The following POLR3E variants were observed in gnomAD, a reference collection of about 807,000 sequenced individuals.
POLR3E encodes RNA polymerase III subunit E.
POLR3E carries 41 observed loss-of-function variants against 96.6 expected under a neutral mutation model. The ratio of observed to expected loss-of-function variants is 0.42; its 90% confidence interval spans 0.33 to 0.55. POLR3E has a LOEUF of 0.55. Among genes scored for constraint, POLR3E ranks in the 20% least tolerant of loss-of-function variants. The probability of loss-of-function intolerance (pLI) is 0.06; values close to 1 mark genes in which losing one functional copy is unlikely to be tolerated. For missense variants in POLR3E, 849 were observed against 952.1 expected, an observed-to-expected ratio of 0.89 and a Z score of 1.43; for synonymous variants, 396 against 383.6, an observed-to-expected ratio of 1.03 and a Z score of -0.38.
At chr16:22,332,597 T>C (rs1220353506) in intron 20 of POLR3E, among the ~76,000 whole-genome samples, 4 of 152,146 alleles carry the variant, frequency 2.6e-5, no homozygotes, top group African/African-American at 4.8e-5. Context: ...TGGATGAGCT[T>C]GGCAGTGGGT....
chr16:22,323,755 C>T (rs543926699), intron 14 of POLR3E, among the ~76,000 whole-genome samples: 36 of 152,270 alleles, frequency 2.4e-4, no homozygotes, highest in Admixed American at 1.8e-3. Context: ...CCCTGCCCGC[C>T]CCGCTCCAGT....
intron 20 of POLR3E, among the ~76,000 whole-genome samples, chr16:22,332,967 C>CTTTTTTTTTTTTTTTTTT (rs1166614906): frequency 1.4e-5 from 1 of 73,062 alleles, no homozygotes; most frequent in African/African-American, 6.7e-5. Flanking sequence ...CGTAGACCCC[C>CTTTTTTTTTTTTTTTTTT]TTTTTTTTTT....
Position 22,308,165 on chromosome 16 carries a change from C to G in POLR3E, c.105C>G (p.Ala35=). ...CTCCCCAGTACCCTGTGCGTCCAGC[C>G]TCGATGACCTACGATGACATTCCGC... The part of the protein sequence containing the change: ...LYLFQYPVRP[A]SMTYDDIPHL... The change falls in exon 4 of 21, where the codon GCC becomes GCG. Residue 35 remains alanine (A), a synonymous_variant. Coordinates refer to ENST00000299853, the MANE Select transcript of POLR3E (RefSeq NM_018119.4). 6.2e-7 allele frequency: 1 copy of G among 1,613,552 alleles called. No individual in the cohort carries two copies. Among genetic ancestry groups the G allele is most frequent in the Non-Finnish European group, 8.5e-7 (1 of 1,179,582 alleles).
At chr16:22,324,725 C>T (rs990849172) in intron 16 of POLR3E, 65 bp downstream of exon 16, 20 of 1,536,076 alleles carry the variant, frequency 1.3e-5, no homozygotes, top group Admixed American at 3.3e-5. Flanking sequence ...CTGGGGAGCA[C>T]TGTCAGGGTG....
intron 19 of POLR3E, chr16:22,329,040 T>G (rs1320442078): frequency 5.3e-6 from 1 of 189,310 alleles, no homozygotes; most frequent in Non-Finnish European, 1.1e-5. Context: ...GAACCGAGAT[T>G]GCACCACTGC....
Position 22,332,171 on chromosome 16 carries a change from G to A in POLR3E, c.2056G>A (p.Asp686Asn). ...AGAAGATCTCAGTAAACAGGAGGTG[G>A]ATAAAGTACTAAAGGTACATCCATT... ...CGEDLSKQEVDKVLKDCCVSY... is the reference protein window; with the variant it reads ...CGEDLSKQEVNKVLKDCCVSY... Residue 686 changes from aspartate to asparagine, a missense_variant, in exon 20 of 21, where the codon GAT becomes AAT. Transcript: ENST00000299853. 6.2e-7 allele frequency: 1 copy of A among 1,613,404 alleles called. No homozygotes were observed. The highest frequency in any genetic ancestry group is 8.5e-7 in the Non-Finnish European group (1 of 1,179,470).
Position 22,308,931 on chromosome 16 carries a change from C to T in POLR3E, c.172C>T (p.Leu58Phe), listed in dbSNP as rs1567312051. ...GGGTGCTTGGTGCCTCCAGGTAGAGCTTGAGATGGCCATCGACACCCTGAA... is the reference window on the plus strand; with the variant it reads ...GGGTGCTTGGTGCCTCCAGGTAGAGTTTGAGATGGCCATCGACACCCTGAA... Reference protein sequence around the residue: ...KIKPKQQKVELEMAIDTLNPN... With the variant: ...KIKPKQQKVEFEMAIDTLNPN... The change falls in exon 5 of 21, where the codon CTT (leucine) becomes TTT (phenylalanine). Residue 58 changes from leucine (L) to phenylalanine (F), a missense_variant. Physicochemically the swap from Leu to Phe is conservative, Grantham distance 22. Coordinates refer to ENST00000299853, the MANE Select transcript of POLR3E (RefSeq NM_018119.4). 10 of 1,612,152 alleles carry T rather than the reference C, an allele frequency of 6.2e-6. No homozygotes were observed. Among genetic ancestry groups the T allele is most frequent in the Non-Finnish European group, 8.5e-6 (10 of 1,178,340 alleles).
Position 22,322,795 on chromosome 16 carries a change from C to T in POLR3E, c.987-55C>T, listed in dbSNP as rs372999604. 1.5e-3 allele frequency: 1,841 copies of T among 1,258,722 alleles called. 48 individuals are homozygous for T. In the South Asian group the frequency reaches 0.02, roughly 14 times the overall value. 78.0% of individuals were successfully genotyped at this position (1,258,722 alleles called of 1,614,324 possible). ...ACTGGGGCTTGGCCGGGAGGGGTAG[C>T]GGTAGAGGGGGCTCAGGGCAGGGAC... On this transcript the variant is annotated intron_variant, in intron 13 of 20. Coordinates refer to ENST00000299853, the MANE Select transcript of POLR3E (RefSeq NM_018119.4). The surrounding 1 kb of genome is among the most constrained non-coding windows in gnomAD (Gnocchi z 5.2).
Position 22,324,508 on chromosome 16 carries a change from C to T in POLR3E, c.1134C>T (p.Cys378=), listed in dbSNP as rs371691617. The T allele has an allele frequency of 1.7e-5, 27 of 1,611,542 alleles. No homozygotes were observed. Among genetic ancestry groups the T allele is most frequent in the Non-Finnish European group, 2.0e-5 (24 of 1,178,958 alleles). The change falls in exon 16 of 21, where the codon TGC becomes TGT. Residue 378 remains cysteine, a synonymous_variant. Transcript: ENST00000299853. ...RKEVATVTKL[C]AEDVKDFLEH... ...CTGGGCCCCCTCCCCTCCAGCTCTG[C>T]GCCGAGGATGTGAAGGACTTCCTGG... is the stretch of plus-strand genomic sequence containing the variant.
intron 3 of POLR3E, among the ~76,000 whole-genome samples, chr16:22,306,874 G>T (rs746717974): frequency 1.6e-4 from 24 of 152,342 alleles, no homozygotes; most frequent in South Asian, 4.1e-4. Flanking sequence ...GCACAGGGAG[G>T]CCTTCACGGG....
chr16:22,313,003 G>A lies in POLR3E; in HGVS notation c.365-617G>A, dbSNP rs189913198. On this transcript the variant is annotated intron_variant, in intron 6 of 20. Coordinates refer to ENST00000299853, the MANE Select transcript of POLR3E (RefSeq NM_018119.4). This position sits in a 1 kb window ranked among gnomAD's most constrained non-coding sequence, Gnocchi z 4.1. ...TCAAAAGTAGTGTCATATAACTCGC[G>A]CGTTCTGTTTAGAACCCATGTCTCA... Among the ~76,000 whole-genome samples, 79 of 151,646 alleles carry A rather than the reference G, an allele frequency of 5.2e-4. No individual in the cohort carries two copies. The highest frequency in any genetic ancestry group is 1.9e-3 in the African/African-American group (78 of 41,250).
rs769152741 is a variant in POLR3E, at chr16:22,325,933, G to A, written c.1521G>A (p.Glu507=). ...IKEEPVSEEG[E]EDEEQEAEEE... is the part of the protein sequence containing the mutation. ...AGGAGCCCGTGAGCGAGGAGGGCGAGGAGGACGAGGAGCAGGAGGCGGAGG... is the reference window on the plus strand; with the variant it reads ...AGGAGCCCGTGAGCGAGGAGGGCGAAGAGGACGAGGAGCAGGAGGCGGAGG... The change falls in exon 18 of 21, where the codon GAG becomes GAA. Residue 507 remains glutamate, a synonymous_variant. Coordinates refer to ENST00000299853, the MANE Select transcript of POLR3E (RefSeq NM_018119.4). 1 of 1,595,106 alleles carries A rather than the reference G, an allele frequency of 6.3e-7. No homozygotes were observed. Among genetic ancestry groups the A allele is most frequent in the Admixed American group, 1.8e-5 (1 of 56,054 alleles).
chr16:22,325,236 A>G lies in POLR3E; in HGVS notation c.1318A>G (p.Thr440Ala), dbSNP rs755567582. The stretch of plus-strand genomic sequence containing the variant: ...AAAAGTCTATAATCTTGTAAAGGAA[A>G]CCATGCCAAAGAAGCCGGATGCACA... ...LEKVYNLVKE[T>A]MPKKPDAQSG... Residue 440 changes from threonine to alanine, a missense_variant, in exon 17 of 21, where the codon ACC becomes GCC. By Grantham distance (58) the Thr-to-Ala change is moderately conservative. Coordinates refer to ENST00000299853, the MANE Select transcript of POLR3E (RefSeq NM_018119.4). 1 of 1,613,912 alleles carries G rather than the reference A, an allele frequency of 6.2e-7. No homozygotes were observed. The highest frequency in any genetic ancestry group is 1.7e-5 in the Admixed American group (1 of 60,014).
At position 22,314,125 on chromosome 16, in the gene POLR3E, C is replaced by A. The variant is rs1452861092; in HGVS notation, c.519C>A (p.Ile173=). 6 of 1,613,468 alleles carry A rather than the reference C, an allele frequency of 3.7e-6. No individual in the cohort carries two copies. Among genetic ancestry groups the A allele is most frequent in the Non-Finnish European group, 4.2e-6 (5 of 1,179,680 alleles). The part of the protein sequence containing the change: ...QDEAEDDVKQ[I]TVRFSRPESE... Reference sequence around the variant, plus strand: ...AGGCGGAAGACGATGTTAAGCAGATCACGGTGAGCCCTGGCCCCTGGAGGA... The same window carrying A: ...AGGCGGAAGACGATGTTAAGCAGATAACGGTGAGCCCTGGCCCCTGGAGGA... The change falls in exon 8 of 21, where the codon ATC becomes ATA. Residue 173 remains isoleucine, a synonymous_variant. Coordinates refer to ENST00000299853, the MANE Select transcript of POLR3E (RefSeq NM_018119.4).
At chr16:22,330,681 G>A (rs912182035) in intron 19 of POLR3E, among the ~76,000 whole-genome samples, 3 of 152,188 alleles carry the variant, frequency 2.0e-5, no homozygotes, top group Non-Finnish European at 4.4e-5. Context: ...AGCTTCTGAA[G>A]AGACAGAGGA....
Position 22,322,298 on chromosome 16 carries a change from A to T in POLR3E, c.987-552A>T, listed in dbSNP as rs1044076797. ...GAGCTGGGTCAGGGCTACACTCTGG[A>T]GATTCTCGTGCCCTGCTGTCCAAGG... On this transcript the variant is annotated intron_variant, in intron 13 of 20. Transcript: ENST00000299853. The surrounding 1 kb of genome is among the most constrained non-coding windows in gnomAD (Gnocchi z 5.2). Among the ~76,000 whole-genome samples, 8 of 152,082 alleles carry T rather than the reference A, an allele frequency of 5.3e-5. No individual in the cohort carries two copies. The highest frequency in any genetic ancestry group is 8.8e-5 in the Non-Finnish European group (6 of 67,998).
intron 8 of POLR3E, 192 bp from the exon 9 acceptor site, chr16:22,314,897 C>T (rs986292080): frequency 8.0e-5 from 43 of 535,296 alleles, no homozygotes; most frequent in South Asian, 2.2e-4. Context: ...AAGTATAAGC[C>T]GTTCCCTGGC....
At chr16:22,329,408 T>C (rs901803753) in intron 19 of POLR3E, among the ~76,000 whole-genome samples, 2 of 152,212 alleles carry the variant, frequency 1.3e-5, no homozygotes, top group African/African-American at 2.4e-5. Context: ...GGTGTAGTCA[T>C]GGACCCTGCA....
rs1598271714 is a variant in POLR3E, at chr16:22,325,695, C to A, written c.1349-66C>A. The A allele has an allele frequency of 5.4e-6, 8 of 1,488,824 alleles. No homozygotes were observed. In the East Asian group the frequency reaches 1.4e-4, roughly 26 times the overall value. The allele number at this position is 1,488,824 out of a possible 1,614,324, so 92.2% of individuals were successfully genotyped here. A position where few individuals can be genotyped will look rare whatever the true frequency, so the allele number is the denominator to read the frequency against. Reference sequence around the variant, plus strand: ...GGACCACTTGCTGCAGCCCCGCGGTCCCCTGCTGGGCTTTTGGCTTCAGAT... The same window carrying A: ...GGACCACTTGCTGCAGCCCCGCGGTACCCTGCTGGGCTTTTGGCTTCAGAT... On this transcript the variant is annotated intron_variant, in intron 17 of 20. Coordinates refer to ENST00000299853, the MANE Select transcript of POLR3E (RefSeq NM_018119.4).
Sources: gnomAD v4.1 joint callset for allele counts (sites outside exome capture counted in the v4.1 genomes callset) on GRCh38, gnomAD v4.1.1 for gene constraint, Gnocchi (gnomAD v3.1) non-coding constraint, MANE v1.5 for transcripts, NCBI Gene and HGNC (gene_info 2026-07-23, HGNC 2026-07-21) for gene names.